The following MAP3K15 variants were observed in gnomAD, a reference collection of about 807,000 sequenced individuals.
MAP3K15 encodes mitogen-activated protein kinase kinase kinase 15, also known as MAPK/ERK kinase kinase 15.
A neutral mutation model predicts 99.5 loss-of-function variants in MAP3K15; 124 were observed. The ratio of observed to expected loss-of-function variants is 1.25; its 90% CI spans 1.08 to 1.45. The LOEUF (loss-of-function observed/expected upper bound fraction) is 1.45, where lower values mean the gene tolerates loss of function less well. MAP3K15 is among the 40% of genes most tolerant of loss of function. The pLI is 0.00. For missense variants in MAP3K15, 1,242 were observed against 1,079.7 expected (o/e 1.15, Z -2.11); for synonymous variants, 494 against 439.6 (o/e 1.12, Z -1.55).
chrX:19,484,810 T>C (rs2064312108), intron 3 of MAP3K15, among the ~76,000 whole-genome samples: 1 of 112,040 alleles, frequency 8.9e-6, no homozygotes, highest in African/African-American at 3.2e-5. Flanking sequence ...ACTACAGATG[T>C]TGAGGGCTAG....
At chrX:19,399,540 G>A (rs2063592125) in intron 14 of MAP3K15, among the ~76,000 whole-genome samples, 1 of 104,610 alleles carries the variant, frequency 9.6e-6, no homozygotes, top group Non-Finnish European at 2.0e-5. Context: ...CTCCAGCCTG[G>A]GTAACAGAGG....
chrX:19,494,089 A>C (rs2064385022), intron 1 of MAP3K15, among the ~76,000 whole-genome samples: 2 of 111,019 alleles, frequency 1.8e-5, no homozygotes, highest in South Asian at 3.8e-4. Flanking sequence ...GAAAAAAAAA[A>C]CACATATCAT....
chrX:19,415,673 G>A (rs2063728501), intron 9 of MAP3K15, among the ~76,000 whole-genome samples: 1 of 109,591 alleles, frequency 9.1e-6, no homozygotes, highest in African/African-American at 3.3e-5. Context: ...GGAGACGTGC[G>A]ACAATTTGAA....
At chrX:19,511,675 C>A (rs1371276741) in intron 1 of MAP3K15, among the ~76,000 whole-genome samples, 2 of 112,077 alleles carry the variant, frequency 1.8e-5, no homozygotes, top group East Asian at 2.8e-4. Flanking sequence ...ACAACAGATG[C>A]TGGAGAGGAT....
rs755855757 is a variant in MAP3K15, at chrX:19,373,510, G to A, written c.2933+26C>T. The A allele has an allele frequency of 4.3e-5, 50 of 1,162,200 alleles. No homozygotes were observed. In the South Asian group the frequency reaches 7.6e-4, roughly 18 times the overall value. On this transcript the variant is annotated intron_variant, in intron 21 of 28. Coordinates refer to ENST00000338883, the MANE Select transcript of MAP3K15 (RefSeq NM_001001671.4). The stretch of plus-strand genomic sequence containing the variant: ...ACTACCAGCACCCTTTCGGGCCCGC[G>A]GCAGACAGACAGAATACGGGTGTAC...
chrX:19,425,476 T>C (rs927750400), intron 9 of MAP3K15, 55 bp downstream of exon 9: 36 of 1,092,710 alleles, frequency 3.3e-5, no homozygotes, highest in Non-Finnish European at 4.0e-5. Context: ...GGAAGACATT[T>C]CAGAACAAGA....
intron 6 of MAP3K15, among the ~76,000 whole-genome samples, chrX:19,434,684 G>C (rs2063909145): frequency 8.9e-6 from 1 of 111,807 alleles, no homozygotes; most frequent in Admixed American, 9.6e-5. Flanking sequence ...AAAATTATTT[G>C]ATTATTTGAG....
intron 9 of MAP3K15, among the ~76,000 whole-genome samples, chrX:19,422,663 C>T (rs2063796933): frequency 8.9e-6 from 1 of 111,816 alleles, no homozygotes; most frequent in African/African-American, 3.3e-5. Flanking sequence ...TTTGACCCAG[C>T]CATCCCATTA....
intron 12 of MAP3K15, 68 bp downstream of exon 12, chrX:19,409,856 T>C (rs1440849404): frequency 1.1e-6 from 1 of 870,034 alleles, no homozygotes; most frequent in African/African-American, 2.0e-5. Context: ...AGTGGAAACA[T>C]TAAAGTGCAT....
intron 3 of MAP3K15, among the ~76,000 whole-genome samples, chrX:19,481,274 C>T (rs932325715): frequency 1.9e-5 from 2 of 107,627 alleles, no homozygotes; most frequent in African/African-American, 6.8e-5. Context: ...GATGACAAGA[C>T]AGTTTTTTTT....
At chrX:19,453,500 CAAAA>C (rs746362628) in intron 6 of MAP3K15, among the ~76,000 whole-genome samples, 2 of 66,802 alleles carry the variant, frequency 3.0e-5, no homozygotes. Context: ...CGTCTCAGGC[CAAAA>C]AAAAAAAAAA....
intron 9 of MAP3K15, among the ~76,000 whole-genome samples, chrX:19,420,712 C>T (rs1259416185): frequency 1.1e-4 from 12 of 111,652 alleles, no homozygotes; most frequent in African/African-American, 3.3e-4. Context: ...ATACCAAAGC[C>T]TGGCAGAGAC....
intron 1 of MAP3K15, among the ~76,000 whole-genome samples, chrX:19,511,724 T>C (rs1602361973): frequency 1.8e-5 from 2 of 111,495 alleles, no homozygotes; most frequent in South Asian, 7.6e-4. Flanking sequence ...TTGGTGGGAG[T>C]GTGAATTAGT....
At chrX:19,513,706 G>T (rs2064536758) in intron 1 of MAP3K15, among the ~76,000 whole-genome samples, 1 of 111,640 alleles carries the variant, frequency 9.0e-6, no homozygotes, top group Non-Finnish European at 1.9e-5. Flanking sequence ...CAGCTTTTAG[G>T]TTTAGGGTAG....
intron 4 of MAP3K15, among the ~76,000 whole-genome samples, chrX:19,460,448 G>A (rs186742472): frequency 1.0e-3 from 116 of 112,191 alleles, no homozygotes; most frequent in Middle Eastern, 9.1e-3. Flanking sequence ...CACTGTCTCC[G>A]GCATTTTCAA....
At position 19,407,404 on chromosome X, in the gene MAP3K15, A is replaced by AC. The variant is rs2063656021; in HGVS notation, c.1749-122dup. 6 of 395,336 alleles carry AC rather than the reference A, an allele frequency of 1.5e-5. No homozygotes were observed. The South Asian group carries it at 2.6e-4, about 17-fold the overall frequency. 32.6% of individuals were successfully genotyped at this position (395,336 alleles called of 1,213,427 possible). A position where few individuals can be genotyped will look rare whatever the true frequency, so the allele number is the denominator to read the frequency against. ...AGATTCATTAATGTTTTAAACAAACACCCCCCGAGTCTGCCTTTTATTTCT... is the reference window on the plus strand; with the variant it reads ...AGATTCATTAATGTTTTAAACAAACACCCCCCCGAGTCTGCCTTTTATTTCT... On this transcript the variant is annotated intron_variant, in intron 12 of 28. Transcript: ENST00000338883.
At chrX:19,373,175 G>A (rs2063389806) in intron 21 of MAP3K15, 2 of 202,704 alleles carry the variant, frequency 9.9e-6, no homozygotes, top group Non-Finnish European at 8.7e-6. Context: ...GAAGGGAGGA[G>A]GAGGGGCCAG....
intron 11 of MAP3K15, among the ~76,000 whole-genome samples, chrX:19,412,682 C>A (rs2063698419): frequency 9.0e-6 from 1 of 111,109 alleles, no homozygotes; most frequent in Non-Finnish European, 1.9e-5. Flanking sequence ...CCACAGGATC[C>A]AGTAATAGTT....
Position 19,369,192 on chromosome X carries a change from C to A in MAP3K15, c.3428G>T (p.Cys1143Phe). Residue 1143 changes from cysteine to phenylalanine, a missense_variant, in exon 25 of 29, where the codon TGT becomes TTT. Coordinates refer to ENST00000338883, the MANE Select transcript of MAP3K15 (RefSeq NM_001001671.4). ...PELRAHFEPT[C>F]ETEGVDKDMD... Reference sequence around the variant, plus strand: ...GTCCTTATCTACCCCTTCAGTCTCACAGGTAGGCTCAAAGTGGGCTCGGAG... The same window carrying A: ...GTCCTTATCTACCCCTTCAGTCTCAAAGGTAGGCTCAAAGTGGGCTCGGAG... The A allele has an allele frequency of 8.3e-7, 1 of 1,211,366 alleles. No individual in the cohort carries two copies. Among genetic ancestry groups the A allele is most frequent in the South Asian group, 1.8e-5 (1 of 56,972 alleles).
Sources: gnomAD v4.1 joint callset for allele counts (sites outside exome capture counted in the v4.1 genomes callset) on GRCh38, gnomAD v4.1.1 for gene constraint, MANE v1.5 for transcripts, NCBI Gene and HGNC (gene_info 2026-07-23, HGNC 2026-07-21) for gene names.